Variants in TRAPPC9 observed in about 807,000 individuals in gnomAD.
The protein encoded by TRAPPC9 is trafficking protein particle complex subunit 9.
TRAPPC9 carries 83 observed loss-of-function variants against 124.0 expected under a neutral mutation model. The observed-to-expected ratio is 0.67, with a 90% CI of 0.56 to 0.80. The LOEUF (loss-of-function observed/expected upper bound fraction) is 0.80, where lower values mean the gene tolerates loss of function less well. TRAPPC9 is among the 30% of genes least tolerant of loss of function. The pLI is 0.00. For synonymous variants in TRAPPC9, 638 were observed against 617.5 expected (o/e 1.03, Z -0.49); for missense variants, 1,302 against 1,508.3 (o/e 0.86, Z 2.27).
intron 17 of TRAPPC9, among the ~76,000 whole-genome samples, chr8:140,123,662 T>C (rs2061029070): frequency 6.6e-6 from 1 of 152,256 alleles, no homozygotes; most frequent in Non-Finnish European, 1.5e-5. Flanking sequence ...TCAAAAATTA[T>C]AGTTGCATAG....
chr8:140,439,021 A>G (rs2070916786), intron 3 of TRAPPC9, 31 bp downstream of exon 3: 3 of 1,613,680 alleles, frequency 1.9e-6, no homozygotes, highest in African/African-American at 2.7e-5. Flanking sequence ...AAACAATTAC[A>G]TATCAGATCA....
intron 18 of TRAPPC9, among the ~76,000 whole-genome samples, chr8:140,001,455 T>C (rs1838399383): frequency 6.6e-6 from 1 of 151,086 alleles, no homozygotes; most frequent in South Asian, 2.1e-4. Flanking sequence ...AAGAAGGAGA[T>C]AATAAAGGGC....
At chr8:140,142,095 A>C (rs2061390862) in intron 17 of TRAPPC9, among the ~76,000 whole-genome samples, 1 of 152,204 alleles carries the variant, frequency 6.6e-6, no homozygotes, top group Non-Finnish European at 1.5e-5. Flanking sequence ...CAGTCGACAG[A>C]ATGGTTATAA....
intron 17 of TRAPPC9, among the ~76,000 whole-genome samples, chr8:140,083,141 T>C (rs770170341): frequency 8.6e-5 from 13 of 152,042 alleles, no homozygotes; most frequent in South Asian, 2.1e-4. Context: ...TGCAGTGAGC[T>C]GAGATCGTGC....
At position 139,731,115 on chromosome 8, in the gene TRAPPC9, G is replaced by C; in HGVS notation, c.3393C>G (p.Pro1131=). Residue 1131 remains proline (P), a synonymous_variant, in exon 23 of 23, where the codon CCC becomes CCG. Coordinates refer to ENST00000438773, the MANE Select transcript of TRAPPC9 (RefSeq NM_001160372.4). ...GCACACTGGGCAGGCAGAACCAAGAGGGTGGCAGCTCCTTGCTGGTGCTGT... is the reference window on the plus strand; with the variant it reads ...GCACACTGGGCAGGCAGAACCAAGACGGTGGCAGCTCCTTGCTGGTGCTGT... ...HEDSTSKELP[P]SWFCLPSVHV... The C allele has an allele frequency of 1.2e-6, 2 of 1,613,940 alleles. No individual in the cohort carries two copies. Among genetic ancestry groups the C allele is most frequent in the South Asian group, 2.2e-5 (2 of 91,080 alleles).
intron 17 of TRAPPC9, among the ~76,000 whole-genome samples, chr8:140,108,021 G>C (rs1011776706): frequency 7.2e-5 from 11 of 151,732 alleles, no homozygotes; most frequent in Non-Finnish European, 1.6e-4. Context: ...GTAGATATGA[G>C]GATACGTGTG....
At chr8:140,300,445 G>T (rs1264272960) in intron 11 of TRAPPC9, 24 bp downstream of exon 11, 1 of 1,613,976 alleles carries the variant, frequency 6.2e-7, no homozygotes, top group Non-Finnish European at 8.5e-7. Context: ...GAGCACGGTG[G>T]GAAAGCCAGG....
At position 139,737,123 on chromosome 8, in the gene TRAPPC9, C is replaced by T. The variant is rs147394840; in HGVS notation, c.3056-4921G>A. 1.1e-3 allele frequency among the ~76,000 whole-genome samples: 163 copies of T among 152,306 alleles called. 2 individuals are homozygous for T. The East Asian group carries it at 0.027, about 25-fold the overall frequency. ...CGCGGGTGCTGCTGGGAGCTCACCC[C>T]GTCTGTGGCCCGCGCAGGGGCTGGC... On this transcript the variant is annotated intron_variant, in intron 21 of 22. Coordinates refer to ENST00000438773, the MANE Select transcript of TRAPPC9 (RefSeq NM_001160372.4).
chr8:139,763,221 G>A (rs1452106157), intron 21 of TRAPPC9, among the ~76,000 whole-genome samples: 1 of 152,258 alleles, frequency 6.6e-6, no homozygotes, highest in East Asian at 1.9e-4. Flanking sequence ...AAGGCGCTGA[G>A]AGGGTAAGCC....
chr8:139,843,824 C>G (rs1358917152), intron 21 of TRAPPC9, among the ~76,000 whole-genome samples: 2 of 152,264 alleles, frequency 1.3e-5, no homozygotes, highest in Non-Finnish European at 2.9e-5. Flanking sequence ...ACTTCTGACT[C>G]TGCCCTCTGG....
intron 17 of TRAPPC9, among the ~76,000 whole-genome samples, chr8:140,032,976 T>C (rs1305566236): frequency 6.6e-6 from 1 of 152,244 alleles, no homozygotes; most frequent in Non-Finnish European, 1.5e-5. Context: ...TCTCTCATTA[T>C]TAAAAAAGTG....
chr8:139,928,214 G>A (rs1405921843), intron 19 of TRAPPC9, among the ~76,000 whole-genome samples: 1 of 152,162 alleles, frequency 6.6e-6, no homozygotes, highest in African/African-American at 2.4e-5. Context: ...GGTTTGGGTT[G>A]GGTACAGTGG....
At chr8:140,347,403 T>C (rs1176936472) in intron 9 of TRAPPC9, among the ~76,000 whole-genome samples, 3 of 152,230 alleles carry the variant, frequency 2.0e-5, no homozygotes, top group Admixed American at 6.5e-5. Flanking sequence ...TGTGTGCATA[T>C]GTATGGACAT....
At chr8:139,894,269 G>C (rs1830528954) in intron 20 of TRAPPC9, among the ~76,000 whole-genome samples, 1 of 152,252 alleles carries the variant, frequency 6.6e-6, no homozygotes, top group Non-Finnish European at 1.5e-5. Flanking sequence ...TCACCGAGCA[G>C]TGTGCAAAGC....
At chr8:140,140,916 T>A (rs1467381130) in intron 17 of TRAPPC9, among the ~76,000 whole-genome samples, 2 of 152,222 alleles carry the variant, frequency 1.3e-5, no homozygotes, top group Admixed American at 1.3e-4. Context: ...TCTCTACTAC[T>A]TTCCCTCGCA....
chr8:140,160,789 T>A (rs907680560), intron 17 of TRAPPC9, among the ~76,000 whole-genome samples: 3 of 151,158 alleles, frequency 2.0e-5, no homozygotes, highest in Admixed American at 1.3e-4. Context: ...GAACTTAAAG[T>A]ATAATAAAAA....
Position 140,014,053 on chromosome 8 carries a change from A to G in TRAPPC9, c.2699+9884T>C, listed in dbSNP as rs147605759. Reference sequence around the variant, plus strand: ...AGCAACTGGAAAAAGATCTACCACGATAAAACTCCACAGTGCCCCTTCCAT... The same window carrying G: ...AGCAACTGGAAAAAGATCTACCACGGTAAAACTCCACAGTGCCCCTTCCAT... On this transcript the variant is annotated intron_variant, in intron 18 of 22. Transcript: ENST00000438773. Among the ~76,000 whole-genome samples the G allele has an allele frequency of 7.2e-4, 109 of 152,328 alleles. 1 individual carries two copies. The highest frequency in any genetic ancestry group is 6.8e-3 in the Middle Eastern group (2 of 294).
chr8:140,367,687 A>G (rs1470940753), intron 8 of TRAPPC9, among the ~76,000 whole-genome samples: 1 of 152,208 alleles, frequency 6.6e-6, no homozygotes, highest in Non-Finnish European at 1.5e-5. Context: ...AACCCACAGA[A>G]TGTACACCAC....
rs2061191330 is a variant in TRAPPC9 at position 140,130,666 on chromosome 8, G to C, written c.2556+90793C>G. Among the ~76,000 whole-genome samples the C allele has an allele frequency of 2.0e-5, 3 of 152,182 alleles. No homozygotes were observed. In the South Asian group the frequency reaches 6.2e-4, roughly 32 times the overall value. On this transcript the variant is annotated intron_variant, in intron 17 of 22. Coordinates refer to ENST00000438773, the MANE Select transcript of TRAPPC9 (RefSeq NM_001160372.4). ...GCTGGCAAATGTGAACAGGGTCTGA[G>C]GACCGGATGGCCATCTCCTTATTTT...
Sources: gnomAD v4.1 joint callset for allele counts (sites outside exome capture counted in the v4.1 genomes callset) on GRCh38, gnomAD v4.1.1 for gene constraint, MANE v1.5 for transcripts, NCBI Gene and HGNC (gene_info 2026-07-23, HGNC 2026-07-21) for gene names.